The following PCID2 variants were observed in gnomAD, a reference collection of about 807,000 sequenced individuals.
PCID2 encodes PCI domain containing 2, also known as PCI domain-containing protein 2.
In PCID2, 41 loss-of-function variants were observed where a neutral mutation model predicts 61.3. That is an observed-to-expected ratio of 0.67 (90% CI 0.52 to 0.87). The LOEUF (loss-of-function observed/expected upper bound fraction) is 0.87. Ranked by LOEUF, PCID2 falls within the 40% of genes least tolerant of loss-of-function variation. The pLI is 0.00. For missense variants in PCID2, 392 were observed against 493.4 expected (o/e 0.79, Z 1.95); for synonymous variants, 187 against 177.8 (o/e 1.05, Z -0.41).
chr13:113,171,791 AGG>A, the PCID2 span: 1 of 1,613,384 alleles, frequency 6.2e-7, no homozygotes, highest in Non-Finnish European at 8.5e-7. This position sits in a 1 kb window ranked among gnomAD's most constrained non-coding sequence, Gnocchi z 5.1. Context: ...CCCACGCACC[AGG>A]GGCCTCCTCA....
intron 7 of PCID2, 40 bp downstream of exon 7, chr13:113,190,832 C>T (rs1203790069): frequency 3.1e-6 from 4 of 1,283,828 alleles, no homozygotes; most frequent in Non-Finnish European, 4.5e-6. Flanking sequence ...GAAAACACCA[C>T]CAACAGCGTC....
At chr13:113,205,595 T>G (rs1473895555) in intron 1 of PCID2, among the ~76,000 whole-genome samples, 1 of 152,198 alleles carries the variant, frequency 6.6e-6, no homozygotes, top group Non-Finnish European at 1.5e-5. Flanking sequence ...ACAACTGAAG[T>G]GGTCCATCAA....
At position 113,208,634 on chromosome 13, in the gene PCID2, T is replaced by TG; in HGVS notation, c.-1dup. 6.2e-7 allele frequency: 1 copy of TG among 1,606,924 alleles called. No homozygotes were observed. The highest frequency in any genetic ancestry group is 2.3e-5 in the East Asian group (1 of 44,424). On this transcript the variant is annotated 5_prime_UTR_variant, in exon 1 of 14. Transcript: ENST00000337344. Reference sequence around the variant, plus strand: ...TACTGGTTAATGGTAATGTGCGCCATGGGAGCGCCGCCGAACGGAGAGCGC... The same window carrying TG: ...TACTGGTTAATGGTAATGTGCGCCATGGGGAGCGCCGCCGAACGGAGAGCGC...
At chr13:113,204,180 G>C (rs1350469414) in intron 1 of PCID2, among the ~76,000 whole-genome samples, 1 of 152,224 alleles carries the variant, frequency 6.6e-6, no homozygotes, top group Non-Finnish European at 1.5e-5. Context: ...CCTTGCACTG[G>C]GCCCAGCCCC....
intron 1 of PCID2, chr13:113,208,209 G>C (rs2040074992): frequency 6.5e-7 from 1 of 1,538,944 alleles, no homozygotes; most frequent in African/African-American, 1.4e-5. Flanking sequence ...CCCGCATCCT[G>C]CTGGGAAACA....
chr13:113,208,491 G>A (rs957528540), intron 1 of PCID2, 108 bp downstream of exon 1: 1 of 1,544,348 alleles, frequency 6.5e-7, no homozygotes, highest in East Asian at 2.5e-5. Context: ...ACGGAAGAAG[G>A]GTGGCGAGGC....
At chr13:113,208,247 A>T (rs2040083215) in intron 1 of PCID2, 3 of 1,447,072 alleles carry the variant, frequency 2.1e-6, no homozygotes, top group Non-Finnish European at 2.7e-6. Flanking sequence ...CACCGCCCAC[A>T]GCGGGCCCTC....
At chr13:113,206,988 T>C (rs1165741160) in intron 1 of PCID2, among the ~76,000 whole-genome samples, 1 of 150,274 alleles carries the variant, frequency 6.7e-6, no homozygotes, top group Non-Finnish European at 1.5e-5. Context: ...TTTACACACA[T>C]AGAGTAGAAG....
At chr13:113,193,057 G>C (rs550725158) in intron 6 of PCID2, among the ~76,000 whole-genome samples, 2 of 152,180 alleles carry the variant, frequency 1.3e-5, no homozygotes, top group African/African-American at 4.8e-5. Context: ...GACTTGATCT[G>C]GACCTCCCTG....
downstream of PCID2, among the ~76,000 whole-genome samples, chr13:113,177,227 T>C (rs1474543971): frequency 1.3e-5 from 2 of 152,180 alleles, no homozygotes. Context: ...AACCTTTGCC[T>C]CCCGGGTTCA....
rs1297004481 is a variant in PCID2 at position 113,200,526 on chromosome 13, T to G, written c.37-10A>C. On this transcript the variant is annotated splice_polypyrimidine_tract_variant and intron_variant, in intron 1 of 13. Coordinates refer to ENST00000337344, the MANE Select transcript of PCID2 (RefSeq NM_001127202.4). ...CGATGGCTTCGTACACCTGAAACAT[T>G]TGAAAGGGAAACCTAAGTAGAAAAT... 6.4e-7 allele frequency: 1 copy of G among 1,573,280 alleles called. No homozygotes were observed. The highest frequency in any genetic ancestry group is 1.7e-5 in the Admixed American group (1 of 59,926).
At chr13:113,183,420 C>T (rs1050174724) in intron 9 of PCID2, among the ~76,000 whole-genome samples, 1 of 151,650 alleles carries the variant, frequency 6.6e-6, no homozygotes, top group Non-Finnish European at 1.5e-5. Flanking sequence ...TACCTTTATG[C>T]TTCATATTAA....
At chr13:113,168,706 G>A in the PCID2 span, among the ~76,000 whole-genome samples, 1 of 152,154 alleles carries the variant, frequency 6.6e-6, no homozygotes, top group African/African-American at 2.4e-5. Flanking sequence ...AATATCGCTT[G>A]TCAAATTTGA....
chr13:113,170,272 G>A, the PCID2 span: 5 of 598,232 alleles, frequency 8.4e-6, no homozygotes, highest in African/African-American at 1.1e-4. Context: ...GCTGGGGCAA[G>A]AATCAAATAC....
chr13:113,196,926 T>C, intron 4 of PCID2: 1 of 954,080 alleles, frequency 1.0e-6, no homozygotes. Context: ...CAAAGCATTC[T>C]TCTTCTCAGC....
intron 4 of PCID2, 99 bp from the exon 5 acceptor site, chr13:113,196,321 C>G: frequency 1.1e-6 from 1 of 894,154 alleles, no homozygotes; most frequent in South Asian, 1.7e-5. Flanking sequence ...TGTAGATCAC[C>G]CTTGAGCAGA....
At chr13:113,202,197 T>A (rs2039484112) in intron 1 of PCID2, among the ~76,000 whole-genome samples, 1 of 152,204 alleles carries the variant, frequency 6.6e-6, no homozygotes, top group Admixed American at 6.5e-5. Context: ...CAGGTGTCCA[T>A]ACCCAGAAGA....
chr13:113,207,552 T>TA (rs200597667), intron 1 of PCID2, among the ~76,000 whole-genome samples: 40 of 150,198 alleles, frequency 2.7e-4, no homozygotes, highest in African/African-American at 7.6e-4. Context: ...GTAAGTGGTG[T>TA]AAAAAAAAAA....
chr13:113,172,091 C>G, the PCID2 span: 9 of 1,612,796 alleles, frequency 5.6e-6, no homozygotes, highest in Non-Finnish European at 7.6e-6. Flanking sequence ...CTGGTTTAAA[C>G]AGATCATGAA....
Sources: gnomAD v4.1 joint callset for allele counts (sites outside exome capture counted in the v4.1 genomes callset) on GRCh38, gnomAD v4.1.1 for gene constraint, Gnocchi (gnomAD v3.1) non-coding constraint, MANE v1.5 for transcripts, NCBI Gene and HGNC (gene_info 2026-07-23, HGNC 2026-07-21) for gene names.